Variants in TTN observed in about 807,000 individuals in gnomAD.
TTN encodes the protein titin.
Under a neutral mutation model 3,223.0 loss-of-function variants are expected in TTN, and 1,525 were observed. The ratio of observed to expected loss-of-function variants is 0.47; its 90% CI spans 0.45 to 0.49. The LOEUF is 0.49. Among genes scored for constraint, TTN ranks in the 20% least tolerant of loss-of-function variants. The probability of loss-of-function intolerance (pLI) is 0.00; values close to 1 mark genes in which losing one functional copy is unlikely to be tolerated. For missense variants in TTN, 40,786 were observed against 43,424.0 expected (o/e 0.94, Z 5.40); for synonymous variants, 14,094 against 15,161.0 (o/e 0.93, Z 5.17).
chr2:178,715,825 T>A (rs2077398474), intron 88 of TTN, 51 bp from the exon 89 acceptor site: 2 of 1,482,454 alleles, frequency 1.3e-6, no homozygotes, highest in Admixed American at 4.7e-5. Flanking sequence ...CAGATGCATA[T>A]AATTCAAGAT....
chr2:178,598,115 T>G (rs1178746700), intron 292 of TTN, 57 bp from the exon 293 acceptor site: 6 of 1,556,766 alleles, frequency 3.9e-6, no homozygotes, highest in Non-Finnish European at 5.2e-6. Flanking sequence ...GCTTCTTGCT[T>G]TAATGGCTTC....
chr2:178,612,572 A>G lies in TTN; in HGVS notation c.49953T>C (p.Pro16651=). The change falls in exon 266 of 363, where the codon CCT becomes CCC. Residue 16651 remains proline, a synonymous_variant. Transcript: ENST00000589042. ...DPVLCREKLY[P]PSPPRWLEVI... is the part of the protein sequence containing the mutation. ...CTTCAAGCCAGCGTGGTGGTGATGG[A>G]GGATCTGAAAAAGAAGGAAGGAAAA... The G allele has an allele frequency of 4.4e-6, 7 of 1,602,460 alleles. No homozygotes were observed. The highest frequency in any genetic ancestry group is 5.9e-6 in the Non-Finnish European group (7 of 1,176,938).
chr2:178,710,638 T>G lies in TTN; in HGVS notation c.28459A>C (p.Lys9487Gln). The G allele has an allele frequency of 1.9e-6, 3 of 1,602,598 alleles. No homozygotes were observed. The highest frequency in any genetic ancestry group is 2.6e-6 in the Non-Finnish European group (3 of 1,172,192). Residue 9487 changes from lysine to glutamine, a missense_variant, in exon 98 of 363, where the codon AAA (lysine) becomes CAA (glutamine). Coordinates refer to ENST00000589042, the MANE Select transcript of TTN (RefSeq NM_001267550.2). The part of the protein sequence containing the change: ...KDSCTAQLNI[K>Q]ERLIPPSFTK... The stretch of plus-strand genomic sequence containing the variant: ...CCACTTGCAAAATAAACGATACCTT[T>G]TATATTCAGCTGAGCTGTGCAAGAG...
chr2:178,601,812 A>G, intron 285 of TTN, 25 bp from the exon 286 acceptor site: 1 of 1,603,380 alleles, frequency 6.2e-7, no homozygotes, highest in Non-Finnish European at 8.5e-7. Flanking sequence ...TAGTAGTCAT[A>G]CATTGAATGA....
rs878854302 is a variant in TTN, at chr2:178,652,695, G to A, written c.39001C>T (p.Pro13001Ser). 6.2e-7 allele frequency: 1 copy of A among 1,613,346 alleles called. No homozygotes were observed. The highest frequency in any genetic ancestry group is 1.1e-5 in the South Asian group (1 of 91,048). The change falls in exon 201 of 363, where the codon CCC (proline) becomes TCC (serine). Residue 13001 changes from proline to serine, a missense_variant. Physicochemically the swap from Pro to Ser is moderately conservative, Grantham distance 74. Transcript: ENST00000589042. ...TCAGGCTTTTTAGGAGGAGCCGAGG[G>A]CACTTTCTTTTCAGGAACAACCTCT... ...PKEVVPEKKVPSAPPKKPEVP... is the reference protein window; with the variant it reads ...PKEVVPEKKVSSAPPKKPEVP...
At chr2:178,724,992 A>G in intron 71 of TTN, 1 of 209,620 alleles carries the variant, frequency 4.8e-6, no homozygotes, top group Non-Finnish European at 9.3e-6. Context: ...CAATTGTTTA[A>G]TTGTCATTAA....
intron 279 of TTN, 24 bp from the exon 280 acceptor site, chr2:178,605,319 A>G (rs71423570): frequency 6.5e-5 from 101 of 1,542,582 alleles, no homozygotes; most frequent in Non-Finnish European, 8.7e-5. Flanking sequence ...AGAAAGAAAA[A>G]CAGTAACAAA....
At chr2:178,651,217 T>C in intron 208 of TTN, 26 bp downstream of exon 208, 1 of 1,595,478 alleles carries the variant, frequency 6.3e-7, no homozygotes, top group Non-Finnish European at 8.6e-7. Context: ...AGTGCTTTTC[T>C]GCAGAATCTC....
chr2:178,713,204 G>T lies in TTN; in HGVS notation c.26930C>A (p.Thr8977Lys). ...CACAGTTAAAGCACAAGTATTATCT[G>T]TCAGGGTGGTCTGGTATTTCCTTCC... The part of the protein sequence containing the change: ...SSGRKYQTTL[T>K]DNTCALTVNM... The change falls in exon 93 of 363, where the codon ACA (threonine) becomes AAA (lysine). Residue 8977 changes from threonine to lysine, a missense_variant. Physicochemically the swap from Thr to Lys is moderately conservative, Grantham distance 78 (BLOSUM62 -1). Coordinates refer to ENST00000589042, the MANE Select transcript of TTN (RefSeq NM_001267550.2). The T allele has an allele frequency of 6.2e-7, 1 of 1,613,640 alleles. No individual in the cohort carries two copies. The highest frequency in any genetic ancestry group is 1.7e-5 in the Admixed American group (1 of 59,976).
rs746090724 is a variant in TTN at position 178,560,661 on chromosome 2, G to A, written c.85471C>T (p.Arg28491Cys). The A allele has an allele frequency of 2.2e-5, 35 of 1,613,416 alleles. 1 individual carries two copies. In the South Asian group the frequency reaches 3.2e-4, roughly 15 times the overall value. The change falls in exon 326 of 363, where the codon CGT becomes TGT. Residue 28491 changes from arginine to cysteine, a missense_variant. Coordinates refer to ENST00000589042, the MANE Select transcript of TTN (RefSeq NM_001267550.2). Reference protein sequence around the residue: ...ADIDYYIVEKRETSHLAWTIC... With the variant: ...ADIDYYIVEKCETSHLAWTIC... ...GTCCATGCAAGGTGGCTTGTTTCAC[G>A]TTTTTCTACGATGTAATAGTCGATA...
intron 121 of TTN, among the ~76,000 whole-genome samples, chr2:178,691,655 TTTA>T (rs2072486282): frequency 6.6e-6 from 1 of 152,212 alleles, no homozygotes; most frequent in Non-Finnish European, 1.5e-5. Context: ...TGAAACTGCT[TTTA>T]TTAAGAAAAA....
Position 178,586,630 on chromosome 2 carries a change from A to T in TTN, c.64271T>A (p.Leu21424Gln). The T allele has an allele frequency of 6.2e-7, 1 of 1,613,244 alleles. No individual in the cohort carries two copies. The highest frequency in any genetic ancestry group is 8.5e-7 in the Non-Finnish European group (1 of 1,179,426). ...CTTTAGGCCAGTGACAACAAGGCTC[A>T]GATCTTTTACCACTGAGTACTCTGT... ...RWTEYSVVKD[L>Q]SLVVTGLKEG... Residue 21424 changes from leucine to glutamine, a missense_variant, in exon 308 of 363, where the codon CTG becomes CAG. Transcript: ENST00000589042.
chr2:178,604,081 C>G lies in TTN; in HGVS notation c.54606G>C (p.Trp18202Cys), dbSNP rs1476258275. 6.2e-7 allele frequency: 1 copy of G among 1,612,828 alleles called. No individual in the cohort carries two copies. The highest frequency in any genetic ancestry group is 1.7e-5 in the Admixed American group (1 of 59,966). ...GACTTCCCTCTTCTCTTTTCTCCAG[C>G]CAGTAGCCAGTAATTGGAGAGCCAC... Reference protein sequence around the residue: ...DNGGSPITGYWLEKREEGSPY... With the variant: ...DNGGSPITGYCLEKREEGSPY... Residue 18202 changes from tryptophan to cysteine, a missense_variant, in exon 282 of 363, where the codon TGG becomes TGC. Trp to Cys is a radical substitution (Grantham distance 215). Transcript: ENST00000589042.
chr2:178,680,250 G>T lies in TTN; in HGVS notation c.33418+4C>A, dbSNP rs749929152. ...AAAACATTAAAATGAGTGCCATTAG[G>T]TACCTCTAACAGGTGGTGCTACTTC... On this transcript the variant is annotated splice_donor_region_variant and intron_variant, in intron 139 of 362. Transcript: ENST00000589042. 8.7e-6 allele frequency: 14 copies of T among 1,611,970 alleles called. No homozygotes were observed. The highest frequency in any genetic ancestry group is 3.3e-5 in the Admixed American group (2 of 59,716).
In TTN at chr2:178,548,565, C is replaced by A; in HGVS notation, c.93061G>T (p.Gly31021Cys). ...GTCACATCTTTGAAGGTAATTGGGC[C>A]AGGTGGGCCTGGAGTGTCTAGCACT... The part of the protein sequence containing the change: ...VKVLDTPGPP[G>C]PITFKDVTRG... The change falls in exon 339 of 363, where the codon GGC (glycine) becomes TGC (cysteine). Residue 31021 changes from glycine to cysteine, a missense_variant. Coordinates refer to ENST00000589042, the MANE Select transcript of TTN (RefSeq NM_001267550.2). This position sits in a 1 kb window ranked among gnomAD's most constrained non-coding sequence, Gnocchi z 4.3. 2 of 1,613,832 alleles carry A rather than the reference C, an allele frequency of 1.2e-6. No individual in the cohort carries two copies. The highest frequency in any genetic ancestry group is 4.5e-5 in the East Asian group (2 of 44,878).
intron 250 of TTN, chr2:178,619,146 T>C: frequency 2.3e-6 from 1 of 436,392 alleles, no homozygotes; most frequent in Non-Finnish European, 4.1e-6. Context: ...ATGTTTTGTT[T>C]TGTTTTTTGA....
At chr2:178,787,568 C>T (rs565368000) in intron 13 of TTN, among the ~76,000 whole-genome samples, 6 of 151,974 alleles carry the variant, frequency 3.9e-5, no homozygotes, top group Non-Finnish European at 5.9e-5. Flanking sequence ...CTCATTTGAA[C>T]CTTTTAGCCA....
Position 178,572,765 on chromosome 2 carries a change from G to C in TTN, c.73367C>G (p.Pro24456Arg). 6.2e-7 allele frequency: 1 copy of C among 1,613,472 alleles called. No individual in the cohort carries two copies. The highest frequency in any genetic ancestry group is 8.5e-7 in the Non-Finnish European group (1 of 1,179,590). ...LRLFVPIKGR[P>R]APEVKWARDH... ...CCGGGCCCACTTCACCTCAGGTGCA[G>C]GCCTTCCTTTGATGGGAACAAAAAG... The change falls in exon 326 of 363, where the codon CCT (proline) becomes CGT (arginine). Residue 24456 changes from proline (P) to arginine (R), a missense_variant. Physicochemically the swap from Pro to Arg is moderately radical, Grantham distance 103. Transcript: ENST00000589042.
Position 178,569,478 on chromosome 2 carries a change from G to A in TTN, c.76654C>T (p.Arg25552Ter), listed in dbSNP as rs545954490. The change falls in exon 326 of 363, where the codon CGA becomes TGA. Residue 25552 changes from arginine (R) to a stop codon, truncating the protein, a stop_gained. Coordinates refer to ENST00000589042, the MANE Select transcript of TTN (RefSeq NM_001267550.2). LOFTEE classifies it high-confidence loss of function. ...VKWGKVDGEI[R>*]DAAIIDVTSS... ...GTGACATCAATTATAGCTGCATCTCGGATTTCACCATCCACCTTTCCCCAT... is the reference window on the plus strand; with the variant it reads ...GTGACATCAATTATAGCTGCATCTCAGATTTCACCATCCACCTTTCCCCAT... 6 of 1,612,640 alleles carry A rather than the reference G, an allele frequency of 3.7e-6. No individual in the cohort carries two copies. The highest frequency in any genetic ancestry group is 2.2e-5 in the East Asian group (1 of 44,704).
Sources: allele counts gnomAD v4.1 joint callset (sites outside exome capture counted in the v4.1 genomes callset), GRCh38; gene constraint gnomAD v4.1.1; non-coding constraint Gnocchi (gnomAD v3.1); transcripts MANE v1.5; gene names NCBI Gene and HGNC (gene_info 2026-07-23, HGNC 2026-07-21).